Variants in ETS1 observed in about 807,000 individuals in gnomAD.
The protein encoded by ETS1 is protein C-ets-1.
A neutral mutation model predicts 58.6 loss-of-function variants in ETS1; 15 were observed. The ratio of observed to expected loss-of-function variants is 0.26; its 90% confidence interval spans 0.17 to 0.39. The LOEUF (loss-of-function observed/expected upper bound fraction) is 0.39. Among genes scored for constraint, ETS1 ranks in the 10% least tolerant of loss-of-function variants. The probability of loss-of-function intolerance (pLI) is 1.00; values close to 1 mark genes in which losing one functional copy is unlikely to be tolerated. For synonymous variants in ETS1, 214 were observed against 218.2 expected (o/e 0.98, Z 0.17); for missense variants, 417 against 610.5 (o/e 0.68, Z 3.34).
chr11:128,483,439 G>C (rs574438511), intron 7 of ETS1, among the ~76,000 whole-genome samples: 1 of 151,940 alleles, frequency 6.6e-6, no homozygotes, highest in South Asian at 2.1e-4. Flanking sequence ...AAGGAAGAAA[G>C]TCGTTTTAAT....
intron 3 of ETS1, among the ~76,000 whole-genome samples, chr11:128,512,651 C>T (rs1367895152): frequency 6.6e-6 from 1 of 152,232 alleles, no homozygotes; most frequent in Non-Finnish European, 1.5e-5. Context: ...AAGGATCAGC[C>T]GGTGGCCACC....
intron 2 of ETS1, among the ~76,000 whole-genome samples, chr11:128,568,970 C>A (rs1470903492): frequency 1.3e-5 from 2 of 152,256 alleles, no homozygotes; most frequent in Non-Finnish European, 2.9e-5. Flanking sequence ...CAATAATTTA[C>A]TAGTAACCAA....
intron 2 of ETS1, among the ~76,000 whole-genome samples, chr11:128,571,411 C>T (rs1253505919): frequency 2.2e-5 from 3 of 134,952 alleles, no homozygotes; most frequent in Admixed American, 7.7e-5. Context: ...AGCGAGACTC[C>T]GTCCAGCCTG....
At chr11:128,468,120 C>A (rs566532501) in intron 8 of ETS1, among the ~76,000 whole-genome samples, 101 of 152,296 alleles carry the variant, frequency 6.6e-4, no homozygotes, top group African/African-American at 2.3e-3. Context: ...GGAGAGCTCC[C>A]AAGCCTACAA....
chr11:128,582,467 A>C (rs1015511644), intron 1 of ETS1, among the ~76,000 whole-genome samples: 21 of 152,198 alleles, frequency 1.4e-4, no homozygotes, highest in Non-Finnish European at 2.9e-5. Context: ...GCATTAGTAA[A>C]TGCTTACTAA....
At chr11:128,567,814 A>G (rs1034008112) in intron 2 of ETS1, among the ~76,000 whole-genome samples, 3 of 152,054 alleles carry the variant, frequency 2.0e-5, no homozygotes, top group African/African-American at 7.2e-5. Context: ...TTGTATTTTT[A>G]GTAGAGACGG....
chr11:128,536,902 C>T (rs1050405895), intron 3 of ETS1: 14 of 152,200 alleles, frequency 9.2e-5, no homozygotes, highest in African/African-American at 3.4e-4. Flanking sequence ...TATGAATACA[C>T]ATCACCTCTT....
At chr11:128,505,027 T>C (rs1427143829) in intron 3 of ETS1, 4 of 152,350 alleles carry the variant, frequency 2.6e-5, no homozygotes, top group South Asian at 2.1e-4. Context: ...TCAACTCCGA[T>C]AGCATGATAC....
chr11:128,491,209 C>T (rs1862789991), intron 3 of ETS1, among the ~76,000 whole-genome samples: 1 of 151,994 alleles, frequency 6.6e-6, no homozygotes, highest in Non-Finnish European at 1.5e-5. Context: ...AATGAAATAA[C>T]AATATTCATT....
At chr11:128,503,952 G>A (rs1050213151) in intron 3 of ETS1, among the ~76,000 whole-genome samples, 2 of 152,112 alleles carry the variant, frequency 1.3e-5, no homozygotes, top group African/African-American at 2.4e-5. Flanking sequence ...AAAACCGATG[G>A]TGCCGCCCCA....
intron 3 of ETS1, among the ~76,000 whole-genome samples, chr11:128,520,921 C>G (rs772316040): frequency 6.6e-6 from 1 of 152,164 alleles, no homozygotes; most frequent in Admixed American, 6.5e-5. Flanking sequence ...AACAGAGGAG[C>G]CTGTTCTTGA....
intron 8 of ETS1, among the ~76,000 whole-genome samples, chr11:128,472,632 A>T (rs145970174): frequency 1.1e-4 from 16 of 152,232 alleles, no homozygotes; most frequent in East Asian, 9.7e-4. Context: ...CATCCTGGGG[A>T]CTGCTCCAGC....
At chr11:128,560,949 T>A (rs1053189035) in intron 2 of ETS1, among the ~76,000 whole-genome samples, 1 of 151,948 alleles carries the variant, frequency 6.6e-6, no homozygotes, top group Non-Finnish European at 1.5e-5. Context: ...AAACATTTGA[T>A]GAAGGGCCAC....
intron 1 of ETS1, among the ~76,000 whole-genome samples, chr11:128,577,716 G>A (rs1175331138): frequency 1.3e-5 from 2 of 152,140 alleles, no homozygotes; most frequent in Non-Finnish European, 2.9e-5. Context: ...TGCTTCTCTA[G>A]ACCTTTGTTA....
At chr11:128,482,184 T>A (rs1862505216) in intron 7 of ETS1, among the ~76,000 whole-genome samples, 1 of 152,216 alleles carries the variant, frequency 6.6e-6, no homozygotes, top group Non-Finnish European at 1.5e-5. Flanking sequence ...GATCATTTAA[T>A]TTTCTTTCAA....
intron 1 of ETS1, among the ~76,000 whole-genome samples, chr11:128,578,539 C>T (rs1000541250): frequency 1.3e-5 from 2 of 151,808 alleles, no homozygotes; most frequent in South Asian, 4.2e-4. Context: ...ACAATGTTAC[C>T]GCAAAAATTA....
intron 3 of ETS1, chr11:128,529,091 A>C (rs536159015): frequency 6.6e-6 from 1 of 152,336 alleles, no homozygotes; most frequent in Non-Finnish European, 1.5e-5. Context: ...CAAAGGTAAG[A>C]TGTACAACTG....
intron 3 of ETS1, among the ~76,000 whole-genome samples, chr11:128,539,631 C>T (rs145295226): frequency 5.9e-5 from 9 of 152,248 alleles, no homozygotes; most frequent in East Asian, 1.9e-4. Context: ...AGAAATTCTA[C>T]CCCTGGAGAA....
At chr11:128,500,808 C>T (rs1173553055) in intron 3 of ETS1, among the ~76,000 whole-genome samples, 26 of 152,194 alleles carry the variant, frequency 1.7e-4, no homozygotes, top group Admixed American at 1.7e-3. Flanking sequence ...GCTTCCAGAT[C>T]CACAGAGGAG....
Sources: allele counts gnomAD v4.1 joint callset (sites outside exome capture counted in the v4.1 genomes callset), GRCh38; gene constraint gnomAD v4.1.1; transcripts MANE v1.5; gene names NCBI Gene and HGNC (gene_info 2026-07-23, HGNC 2026-07-21).